NAGK: variants seen among roughly 807,000 people sequenced by gnomAD.
NAGK encodes the protein N-acetyl-D-glucosamine kinase.
NAGK carries 35 observed loss-of-function variants against 42.9 expected under a neutral mutation model. That is an observed-to-expected ratio of 0.82 (90% CI 0.62 to 1.08). The LOEUF (loss-of-function observed/expected upper bound fraction) is 1.08. Among genes scored for constraint, NAGK ranks in the 50% least tolerant of loss-of-function variants. The probability of loss-of-function intolerance (pLI) is 0.00; values close to 1 mark genes in which losing one functional copy is unlikely to be tolerated. For missense variants in NAGK, 446 were observed against 446.0 expected (o/e 1.00, Z 0.00); for synonymous variants, 172 against 176.0 (o/e 0.98, Z 0.18).
At chr2:71,075,483 G>A (rs1000087760) in intron 6 of NAGK, 72 bp from the exon 7 acceptor site, 11 of 1,231,004 alleles carry the variant, frequency 8.9e-6, no homozygotes, top group Middle Eastern at 1.9e-4. Flanking sequence ...CATTAGGAAG[G>A]CCAACTTTGG....
chr2:71,072,727 C>A lies in NAGK; in HGVS notation c.442C>A (p.His148Asn). 6.2e-7 allele frequency: 1 copy of A among 1,613,980 alleles called. No individual in the cohort carries two copies. The highest frequency in any genetic ancestry group is 1.1e-5 in the South Asian group (1 of 91,054). The change falls in exon 5 of 10, where the codon CAT becomes AAT. Residue 148 changes from histidine (H) to asparagine (N), a missense_variant. Coordinates refer to ENST00000244204, the MANE Select transcript of NAGK (RefSeq NM_017567.6). ...CGAGAGTGGCTGCGGCGGCTGGGGCCATATGATGGGTGATGAGGGTTCAGG... is the reference window on the plus strand; with the variant it reads ...CGAGAGTGGCTGCGGCGGCTGGGGCAATATGATGGGTGATGAGGGTTCAGG... ...GSESGCGGWGHMMGDEGSAYW... is the reference protein window; with the variant it reads ...GSESGCGGWGNMMGDEGSAYW...
intron 6 of NAGK, chr2:71,075,187 A>G (rs1320111601): frequency 5.6e-6 from 1 of 177,298 alleles, no homozygotes; most frequent in Non-Finnish European, 1.2e-5. Flanking sequence ...CAACCCAGCT[A>G]CTCAGGAGGC....
rs760520349 is a variant in NAGK, at chr2:71,071,822, C to A, written c.350C>A (p.Pro117Gln). The A allele has an allele frequency of 6.2e-7, 1 of 1,613,856 alleles. No homozygotes were observed. The highest frequency in any genetic ancestry group is 1.3e-5 in the African/African-American group (1 of 74,898). Residue 117 changes from proline to glutamine, a missense_variant, in exon 4 of 10, where the codon CCG (proline) becomes CAG (glutamine). Coordinates refer to ENST00000244204, the MANE Select transcript of NAGK (RefSeq NM_017567.6). Reference protein sequence around the residue: ...DAAGSIATATPDGGVVLISGT... With the variant: ...DAAGSIATATQDGGVVLISGT... The stretch of plus-strand genomic sequence containing the variant: ...GCCGGCTCCATCGCCACAGCTACAC[C>A]GGATGGTGAGGAAGTGGAGGGAGGG...
At position 71,077,621 on chromosome 2, in the gene NAGK, G is replaced by C. The variant is rs779031985; in HGVS notation, c.829G>C (p.Glu277Gln). Residue 277 changes from glutamate (E) to glutamine (Q), a missense_variant, in exon 9 of 10, where the codon GAG (glutamate) becomes CAG (glutamine). Physicochemically the swap from Glu to Gln is conservative, Grantham distance 29. Transcript: ENST00000244204. ...LCVGSVWKSWELLKEGFLLAL... is the reference protein window; with the variant it reads ...LCVGSVWKSWQLLKEGFLLAL... ...CGTGGGCTCTGTGTGGAAGAGCTGG[G>C]AGCTGCTGAAGGAAGGTGAGCCTGG... is the stretch of plus-strand genomic sequence containing the variant. 2.5e-6 allele frequency: 4 copies of C among 1,607,350 alleles called. No homozygotes were observed. In the African/African-American group the frequency reaches 5.4e-5, roughly 22 times the overall value.
chr2:71,077,453 G>A (rs996060472), intron 8 of NAGK, 105 bp from the exon 9 acceptor site: 2 of 1,093,222 alleles, frequency 1.8e-6, no homozygotes, highest in Non-Finnish European at 2.7e-6. Context: ...TTCTTGGCTT[G>A]AGGGCGAGTA....
chr2:71,078,727 A>C lies in NAGK; in HGVS notation c.*219A>C. ...TCCTGGAGGGCTCATGAGTGAATTT[A>C]GTCCAAGATTTAAAGCCCTGCCCCC... On this transcript the variant is annotated 3_prime_UTR_variant, in exon 10 of 10. Coordinates refer to ENST00000244204, the MANE Select transcript of NAGK (RefSeq NM_017567.6). 1 of 570,350 alleles carries C rather than the reference A, an allele frequency of 1.8e-6. No individual in the cohort carries two copies. Among genetic ancestry groups the C allele is most frequent in the South Asian group, 2.5e-5 (1 of 40,188 alleles). 35.3% of individuals were successfully genotyped at this position (570,350 alleles called of 1,614,324 possible).
upstream of NAGK, chr2:71,068,478 GAC>G: frequency 7.1e-7 from 1 of 1,408,778 alleles, no homozygotes; most frequent in Non-Finnish European, 9.2e-7. Context: ...ACCTGGAGGA[GAC>G]ACCAGAAGGA....
chr2:71,076,066 C>T (rs1558729769), intron 7 of NAGK: 1 of 197,482 alleles, frequency 5.1e-6, no homozygotes, highest in African/African-American at 2.3e-5. Context: ...GCTCTTTCTC[C>T]ACTGTGAGGT....
chr2:71,073,601 C>T lies in NAGK; in HGVS notation c.579+7C>T, dbSNP rs370938067. On this transcript the variant is annotated splice_region_variant and intron_variant, in intron 6 of 9. Coordinates refer to ENST00000244204, the MANE Select transcript of NAGK (RefSeq NM_017567.6). Reference sequence around the variant, plus strand: ...CATGTTCCACTATTTCCAGGTACTCCTCCTGCTCCCAGTAAACATGCGCAC... The same window carrying T: ...CATGTTCCACTATTTCCAGGTACTCTTCCTGCTCCCAGTAAACATGCGCAC... 6 of 1,599,178 alleles carry T rather than the reference C, an allele frequency of 3.8e-6. No homozygotes were observed. The highest frequency in any genetic ancestry group is 2.7e-5 in the African/African-American group (2 of 74,748).
chr2:71,068,439 G>C, upstream of NAGK: 1 of 1,357,008 alleles, frequency 7.4e-7, no homozygotes, highest in Non-Finnish European at 9.5e-7. Context: ...AGGAGGACGG[G>C]AGGGGCCGCT....
In NAGK at chr2:71,078,709, G is replaced by A; in HGVS notation, c.*201G>A. Reference sequence around the variant, plus strand: ...TGCACCTGCCAGCAGATATCCTGGAGGGCTCATGAGTGAATTTAGTCCAAG... The same window carrying A: ...TGCACCTGCCAGCAGATATCCTGGAAGGCTCATGAGTGAATTTAGTCCAAG... On this transcript the variant is annotated 3_prime_UTR_variant, in exon 10 of 10. Coordinates refer to ENST00000244204, the MANE Select transcript of NAGK (RefSeq NM_017567.6). 1 of 631,964 alleles carries A rather than the reference G, an allele frequency of 1.6e-6. No individual in the cohort carries two copies. The highest frequency in any genetic ancestry group is 3.2e-5 in the East Asian group (1 of 31,658). The allele number at this position is 631,964 out of a possible 1,614,324, so 39.1% of individuals were successfully genotyped here. A position where few individuals can be genotyped will look rare whatever the true frequency, so the allele number is the denominator to read the frequency against.
At chr2:71,071,534 GT>G in intron 3 of NAGK, 151 bp from the exon 4 acceptor site, 1 of 1,076,930 alleles carries the variant, frequency 9.3e-7, no homozygotes, top group Non-Finnish European at 1.3e-6. Context: ...CTTCTGAGGG[GT>G]CATTGTGTGG....
intron 1 of NAGK, 82 bp downstream of exon 1, chr2:71,068,794 A>G: frequency 7.0e-7 from 1 of 1,422,754 alleles, no homozygotes; most frequent in South Asian, 1.5e-5. Context: ...GGTGGCCTTG[A>G]TCCTCGGCGT....
rs1387783823 is a variant in NAGK at position 71,079,671 on chromosome 2, A to G, written c.*1163A>G. On this transcript the variant is annotated 3_prime_UTR_variant, in exon 10 of 10. Coordinates refer to ENST00000244204, the MANE Select transcript of NAGK (RefSeq NM_017567.6). ...GTGTCGCGCGCCTGTAGTCCCAGCTACTGGGGAGGCTGAGGCAGGAGAATG... is the reference window on the plus strand; with the variant it reads ...GTGTCGCGCGCCTGTAGTCCCAGCTGCTGGGGAGGCTGAGGCAGGAGAATG... 1 of 152,192 alleles carries G rather than the reference A, an allele frequency of 6.6e-6. No homozygotes were observed. The highest frequency in any genetic ancestry group is 1.5e-5 in the Non-Finnish European group (1 of 68,082). 9.4% of individuals were successfully genotyped at this position (152,192 alleles called of 1,614,324 possible).
intron 5 of NAGK, 74 bp from the exon 6 acceptor site, chr2:71,073,408 C>G (rs1672094936): frequency 2.2e-6 from 2 of 902,130 alleles, no homozygotes; most frequent in Non-Finnish European, 3.4e-6. Context: ...ACTAACCTGT[C>G]TGGATCTGAG....
chr2:71,077,416 T>C (rs1672252415), intron 8 of NAGK, 142 bp from the exon 9 acceptor site: 4 of 731,580 alleles, frequency 5.5e-6, no homozygotes, highest in Non-Finnish European at 9.2e-6. Flanking sequence ...CCCTTTTTTT[T>C]TCCCCTTTCC....
At chr2:71,069,196 G>T (rs1354391480) in intron 1 of NAGK, 2 of 724,706 alleles carry the variant, frequency 2.8e-6, no homozygotes, top group South Asian at 1.2e-4. Context: ...TCTGAAAACC[G>T]CTCCATCCCT....
upstream of NAGK, chr2:71,068,395 T>A (rs1470450677): frequency 1.4e-5 from 16 of 1,128,942 alleles, no homozygotes; most frequent in South Asian, 2.6e-4. Context: ...ATTCCTCCTC[T>A]TGGGATTAGT....
intron 5 of NAGK, 135 bp from the exon 6 acceptor site, chr2:71,073,345 CCA>C: frequency 3.6e-6 from 2 of 562,528 alleles, no homozygotes; most frequent in Non-Finnish European, 6.6e-6. Flanking sequence ...CCACCCCCTG[CCA>C]CCCCTGGCTG....
Sources: gnomAD v4.1 joint callset for allele counts on GRCh38, gnomAD v4.1.1 for gene constraint, MANE v1.5 for transcripts, NCBI Gene and HGNC (gene_info 2026-07-23, HGNC 2026-07-21) for gene names.